Variants in TP63 observed in about 807,000 individuals in gnomAD.
TP63 encodes tumor protein 63.
Under a neutral mutation model 82.8 loss-of-function variants are expected in TP63, and 17 were observed. The ratio of observed to expected loss-of-function variants is 0.21; its 90% CI spans 0.14 to 0.31. TP63 has a LOEUF of 0.31. TP63 is among the 10% of genes least tolerant of loss of function. The pLI, the probability that TP63 is intolerant of heterozygous loss-of-function variation, is 1.00. For synonymous variants in TP63, 330 were observed against 321.7 expected (o/e 1.03, Z -0.28); for missense variants, 648 against 895.3 (o/e 0.72, Z 3.52).
intron 4 of TP63, among the ~76,000 whole-genome samples, chr3:189,850,413 TAAATA>T (rs1290772126): frequency 1.3e-5 from 2 of 152,190 alleles, no homozygotes; most frequent in African/African-American, 4.8e-5. Flanking sequence ...ATCTTTTCCT[TAAATA>T]AAATATAAAG....
chr3:189,754,824 C>T (rs1256334873), intron 3 of TP63, among the ~76,000 whole-genome samples: 2 of 152,150 alleles, frequency 1.3e-5, no homozygotes, highest in Admixed American at 6.6e-5. Flanking sequence ...CCATTATCAT[C>T]CTCCTTTTGT....
the TP63 span, among the ~76,000 whole-genome samples, chr3:189,602,139 G>A: frequency 6.6e-6 from 1 of 152,058 alleles, no homozygotes; most frequent in Non-Finnish European, 1.5e-5. Context: ...GAAAAATGAG[G>A]ACAATAACAG....
At chr3:189,734,623 A>G (rs373883938) in intron 1 of TP63, among the ~76,000 whole-genome samples, 2 of 152,172 alleles carry the variant, frequency 1.3e-5, no homozygotes, top group African/African-American at 4.8e-5. Context: ...ATAGTCACTT[A>G]ATGTCTGACC....
chr3:189,779,071 T>A (rs1313472638), intron 3 of TP63, among the ~76,000 whole-genome samples: 1 of 152,174 alleles, frequency 6.6e-6, no homozygotes. Flanking sequence ...ACACTCATAC[T>A]GAATCCGTTT....
the TP63 span, among the ~76,000 whole-genome samples, chr3:189,599,447 T>C: frequency 6.6e-6 from 1 of 152,210 alleles, no homozygotes; most frequent in Non-Finnish European, 1.5e-5. Flanking sequence ...TTTCTGTTTT[T>C]GCCAGCCATC....
At chr3:189,690,705 G>C (rs757086465) in intron 1 of TP63, among the ~76,000 whole-genome samples, 10 of 152,146 alleles carry the variant, frequency 6.6e-5, no homozygotes, top group Non-Finnish European at 7.4e-5. Flanking sequence ...TTATTTACAT[G>C]CTTAGCTGTT....
chr3:189,638,597 A>G (rs1435717958), intron 1 of TP63, among the ~76,000 whole-genome samples: 3 of 152,192 alleles, frequency 2.0e-5, no homozygotes, highest in African/African-American at 7.2e-5. Context: ...CAGGAAACAC[A>G]GGAATGCACA....
the TP63 span, among the ~76,000 whole-genome samples, chr3:189,622,477 C>A: frequency 6.6e-6 from 1 of 152,140 alleles, no homozygotes; most frequent in African/African-American, 2.4e-5. Flanking sequence ...ATGCAGTTAA[C>A]CTAACTTGGC....
intron 1 of TP63, among the ~76,000 whole-genome samples, chr3:189,705,978 G>A (rs1383613626): frequency 2.0e-5 from 3 of 152,116 alleles, no homozygotes; most frequent in Non-Finnish European, 4.4e-5. Context: ...TACAAATTAA[G>A]GAAAAATTTA....
At chr3:189,639,843 T>C (rs1374147958) in intron 1 of TP63, among the ~76,000 whole-genome samples, 1 of 152,158 alleles carries the variant, frequency 6.6e-6, no homozygotes, top group African/African-American at 2.4e-5. Flanking sequence ...TATACAGGTT[T>C]ATAATAGTGG....
At chr3:189,859,388 TGTATA>T (rs1207770977) in intron 4 of TP63, among the ~76,000 whole-genome samples, 2 of 152,146 alleles carry the variant, frequency 1.3e-5, no homozygotes, top group African/African-American at 4.8e-5. Context: ...ATCAAATAGT[TGTATA>T]GAATTACATA....
At chr3:189,752,552 T>C (rs1721898601) in intron 3 of TP63, among the ~76,000 whole-genome samples, 1 of 152,184 alleles carries the variant, frequency 6.6e-6, no homozygotes. Context: ...TTAACTTGTG[T>C]TTCCTCTCTT....
chr3:189,652,168 T>C (rs1470708669), intron 1 of TP63, among the ~76,000 whole-genome samples: 1 of 146,224 alleles, frequency 6.8e-6, no homozygotes, highest in Non-Finnish European at 1.5e-5. Context: ...GCTTGCATAG[T>C]GCACCTAGAT....
chr3:189,837,724 C>T (rs915918466), intron 4 of TP63, among the ~76,000 whole-genome samples: 1 of 152,166 alleles, frequency 6.6e-6, no homozygotes, highest in African/African-American at 2.4e-5. Context: ...AATCATGGCT[C>T]ACTGTGGCCA....
intron 4 of TP63, among the ~76,000 whole-genome samples, chr3:189,860,146 C>CA (rs1345530559): frequency 1.3e-5 from 2 of 151,756 alleles, no homozygotes; most frequent in South Asian, 2.1e-4. Flanking sequence ...AACCCCCATA[C>CA]AAAAAAGAAT....
chr3:189,644,065 A>G (rs1366145060), intron 1 of TP63, among the ~76,000 whole-genome samples: 1 of 152,166 alleles, frequency 6.6e-6, no homozygotes, highest in Admixed American at 6.5e-5. Context: ...GTTGTCTTAC[A>G]GTCCCTCTGC....
At chr3:189,704,720 C>T in intron 1 of TP63, among the ~76,000 whole-genome samples, 1 of 152,178 alleles carries the variant, frequency 6.6e-6, no homozygotes, top group African/African-American at 2.4e-5. Flanking sequence ...AATAGGTTAC[C>T]TGCATTCTTT....
intron 10 of TP63, among the ~76,000 whole-genome samples, chr3:189,883,677 G>C (rs961016054): frequency 7.9e-5 from 12 of 152,032 alleles, no homozygotes; most frequent in African/African-American, 2.9e-4. Flanking sequence ...CAATATCTAG[G>C]CTACAGGTTA....
At chr3:189,596,905 A>G in the TP63 span, among the ~76,000 whole-genome samples, 1 of 152,190 alleles carries the variant, frequency 6.6e-6, no homozygotes, top group Non-Finnish European at 1.5e-5. Flanking sequence ...CAGCGAGACC[A>G]GGAGTCCACT....
Sources: allele counts gnomAD v4.1 joint callset (sites outside exome capture counted in the v4.1 genomes callset), GRCh38; gene constraint gnomAD v4.1.1; transcripts MANE v1.5; gene names NCBI Gene and HGNC (gene_info 2026-07-23, HGNC 2026-07-21).